The following NEK5 variants were observed in gnomAD, a reference collection of about 807,000 sequenced individuals.
NEK5 encodes NIMA related kinase 5.
Under a neutral mutation model 109.2 loss-of-function variants are expected in NEK5, and 88 were observed. That is an observed-to-expected ratio of 0.81 (90% CI 0.68 to 0.96). The LOEUF is 0.96. Ranked by LOEUF, NEK5 falls within the 40% of genes least tolerant of loss-of-function variation. The pLI, the probability that NEK5 is intolerant of heterozygous loss-of-function variation, is 0.00. For missense variants in NEK5, 834 were observed against 920.7 expected (o/e 0.91, Z 1.22); for synonymous variants, 283 against 299.9 (o/e 0.94, Z 0.58).
At chr13:52,043,827 C>G (rs578142283) in intron 23 of NEK5, among the ~76,000 whole-genome samples, 7 of 152,204 alleles carry the variant, frequency 4.6e-5, no homozygotes, top group Non-Finnish European at 1.0e-4. Context: ...GGAACTCTTA[C>G]ACACTGTTCA....
chr13:52,061,239 C>A (rs919213141), intron 22 of NEK5, among the ~76,000 whole-genome samples: 4 of 152,080 alleles, frequency 2.6e-5, no homozygotes, highest in Admixed American at 1.3e-4. Flanking sequence ...GTTCATGCTC[C>A]CATGAGAACT....
intron 10 of NEK5, 28 bp from the exon 11 acceptor site, chr13:52,102,042 C>G: frequency 6.2e-7 from 1 of 1,612,686 alleles, no homozygotes; most frequent in Non-Finnish European, 8.5e-7. Flanking sequence ...TGTCAAGGAC[C>G]TGCAACCCAA....
chr13:52,098,261 C>CAAATAAAT (rs34554364), intron 12 of NEK5, among the ~76,000 whole-genome samples: 8,746 of 146,834 alleles, frequency 0.06, 278 homozygotes, highest in South Asian at 0.088. Flanking sequence ...GACCCTCTTT[C>CAAATAAAT]AAATAAATAA....
At chr13:52,048,324 C>T (rs1365183356) in intron 23 of NEK5, among the ~76,000 whole-genome samples, 2 of 152,060 alleles carry the variant, frequency 1.3e-5, no homozygotes, top group African/African-American at 4.8e-5. Flanking sequence ...ATAATCCTAG[C>T]ATTCTGGGAG....
At chr13:52,098,823 G>A (rs978383258) in intron 12 of NEK5, among the ~76,000 whole-genome samples, 2 of 152,106 alleles carry the variant, frequency 1.3e-5, no homozygotes, top group Non-Finnish European at 2.9e-5. Context: ...ACTAGAAGTT[G>A]TCCAACAAAA....
chr13:52,060,635 C>T (rs945010132), intron 22 of NEK5, among the ~76,000 whole-genome samples: 10 of 152,026 alleles, frequency 6.6e-5, no homozygotes, highest in African/African-American at 1.9e-4. Context: ...CATAAGCCAC[C>T]GCGCCCAGCC....
At position 52,037,093 on chromosome 13, in the gene NEK5, G is replaced by A; in HGVS notation, c.2354C>T (p.Ser785Leu). 1 of 985,236 alleles carries A rather than the reference G, an allele frequency of 1.0e-6. No homozygotes were observed. Among genetic ancestry groups the A allele is most frequent in the Non-Finnish European group, 1.2e-6 (1 of 829,868 alleles). 61.0% of individuals were successfully genotyped at this position (985,236 alleles called of 1,614,324 possible). The change falls in exon 24 of 24, where the codon TCA (serine) becomes TTA (leucine). Residue 785 changes from serine to leucine, a missense_variant. Around this residue, in one of 2 missense-constraint regions of NEK5, gnomAD observed 57 missense variants for 96.0 expected, o/e 0.59. Transcript: ENST00000684899. ...ASSTSKDSRK[S>L]REREGISMQK... ...CATACTTATCCCCTCTCTTTCTCTTGACTTTCTAGAGTCCTTAGAGGTACT... is the reference window on the plus strand; with the variant it reads ...CATACTTATCCCCTCTCTTTCTCTTAACTTTCTAGAGTCCTTAGAGGTACT...
Position 52,067,457 on chromosome 13 carries a change from A to G in NEK5, c.1850-1848T>C, listed in dbSNP as rs190567515. 1.2e-4 allele frequency among the ~76,000 whole-genome samples: 18 copies of G among 152,334 alleles called. No homozygotes were observed. In the East Asian group the frequency reaches 3.5e-3, roughly 29 times the overall value. ...CCCACAGCTGCACAGATAAGGGAGC[A>G]AAGTCCAACACAGAAATGCCTTTGT... is the stretch of plus-strand genomic sequence containing the variant. On this transcript the variant is annotated intron_variant, in intron 20 of 23. Coordinates refer to ENST00000684899, the MANE Select transcript of NEK5 (RefSeq NM_001365552.1).
intron 7 of NEK5, among the ~76,000 whole-genome samples, chr13:52,109,088 G>C (rs1339498690): frequency 6.6e-6 from 1 of 152,110 alleles, no homozygotes; most frequent in East Asian, 1.9e-4. Flanking sequence ...AAATCTCTTG[G>C]TACATATTGC....
intron 8 of NEK5, among the ~76,000 whole-genome samples, chr13:52,105,307 A>G (rs1955629723): frequency 6.6e-6 from 1 of 151,870 alleles, no homozygotes; most frequent in Non-Finnish European, 1.5e-5. Context: ...GACTCATACT[A>G]AAAGTTTGAG....
intron 21 of NEK5, among the ~76,000 whole-genome samples, chr13:52,063,986 G>A (rs1318232533): frequency 7.6e-5 from 7 of 91,786 alleles, no homozygotes; most frequent in East Asian, 6.9e-4. Flanking sequence ...CACCCCGTCC[G>A]GGAGGGAGGT....
Position 52,093,121 on chromosome 13 carries a change from G to A in NEK5, c.1141C>T (p.Pro381Ser). ...RAHKPSYHPI[P>S]QENTGVEDYG... ...TCCTCAACTCCAGTATTTTCTTGAG[G>A]AATAGGGTGATAACTTGGTTTGTGG... Residue 381 changes from proline (P) to serine (S), a missense_variant, in exon 13 of 24, where the codon CCT becomes TCT. This residue lies in a region of NEK5 where 777 missense variants were observed against 824.7 expected (regional missense o/e 0.94). Coordinates refer to ENST00000684899, the MANE Select transcript of NEK5 (RefSeq NM_001365552.1). The A allele has an allele frequency of 6.2e-7, 1 of 1,613,634 alleles. No individual in the cohort carries two copies. The highest frequency in any genetic ancestry group is 1.6e-4 in the Middle Eastern group (1 of 6,062).
chr13:52,086,556 T>A, intron 15 of NEK5, among the ~76,000 whole-genome samples, 193 bp from the exon 16 acceptor site: 1 of 152,258 alleles, frequency 6.6e-6, no homozygotes, highest in Non-Finnish European at 1.5e-5. Context: ...TGGCTTTAGC[T>A]ACAGAGCTCA....
intron 9 of NEK5, among the ~76,000 whole-genome samples, chr13:52,103,386 G>A (rs1413065567): frequency 2.6e-5 from 4 of 152,212 alleles, no homozygotes; most frequent in African/African-American, 9.7e-5. Flanking sequence ...AGCTGAGATC[G>A]TGCCACCGCA....
At chr13:52,063,864 C>T (rs527568098) in intron 21 of NEK5, among the ~76,000 whole-genome samples, 8 of 152,066 alleles carry the variant, frequency 5.3e-5, no homozygotes, top group East Asian at 2.0e-4. Flanking sequence ...AAGTGAGGAG[C>T]GTCTCCGCCC....
At chr13:52,096,671 G>A (rs1955423883) in intron 12 of NEK5, among the ~76,000 whole-genome samples, 1 of 152,198 alleles carries the variant, frequency 6.6e-6, no homozygotes, top group Admixed American at 6.5e-5. Flanking sequence ...AATAAATGAT[G>A]TAAAACCAGA....
In NEK5 at chr13:52,050,152, A is replaced by G. The variant is rs1593917864; in HGVS notation, c.2180T>C (p.Ile727Thr). The change falls in exon 23 of 24, where the codon ATT (isoleucine) becomes ACT (threonine). Residue 727 changes from isoleucine (I) to threonine (T), a missense_variant. Physicochemically the swap from Ile to Thr is moderately conservative, Grantham distance 89 (BLOSUM62 -1). Around this residue, in one of 2 missense-constraint regions of NEK5, gnomAD observed 57 missense variants for 96.0 expected, o/e 0.59. Coordinates refer to ENST00000684899, the MANE Select transcript of NEK5 (RefSeq NM_001365552.1). ...TTCTAGTTGTTCCTCATCTACTTCA[A>G]TGCCAGAGACCATTTCTACCTTCCC... ...DEGKVEMVSG[I>T]EVDEEQLEPR... is the part of the protein sequence containing the mutation. 3.0e-6 allele frequency: 3 copies of G among 985,794 alleles called. No individual in the cohort carries two copies. The highest frequency in any genetic ancestry group is 3.6e-6 in the Non-Finnish European group (3 of 829,876). 61.1% of individuals were successfully genotyped at this position (985,794 alleles called of 1,614,324 possible).
chr13:52,087,726 A>G (rs1955180770), intron 14 of NEK5, among the ~76,000 whole-genome samples: 2 of 151,644 alleles, frequency 1.3e-5, no homozygotes, highest in Non-Finnish European at 2.9e-5. Context: ...CCTAGGCTCA[A>G]GCAATTGTCC....
chr13:52,101,820 T>C, intron 11 of NEK5, 113 bp downstream of exon 11: 1 of 884,230 alleles, frequency 1.1e-6, no homozygotes, highest in East Asian at 2.5e-5. Flanking sequence ...TTATACTGCT[T>C]GTATTTTTTA....
Sources: gnomAD v4.1 joint callset for allele counts (sites outside exome capture counted in the v4.1 genomes callset) on GRCh38, gnomAD v4.1.1 for gene constraint, gnomAD v4.1.1 regional missense constraint, MANE v1.5 for transcripts, NCBI Gene and HGNC (gene_info 2026-07-23, HGNC 2026-07-21) for gene names.